Variants in LRFN2 observed in about 807,000 individuals in gnomAD.
LRFN2 encodes leucine rich repeat and fibronectin type III domain containing 2.
A neutral mutation model predicts 37.3 loss-of-function variants in LRFN2; 18 were observed. The observed-to-expected ratio is 0.48, with a 90% confidence interval of 0.33 to 0.72. The LOEUF is 0.72. LRFN2 is among the 30% of genes least tolerant of loss of function. LRFN2 has a pLI of 0.02. For synonymous variants in LRFN2, 556 were observed against 466.6 expected (o/e 1.19, Z -2.47); for missense variants, 1,006 against 1,060.7 (o/e 0.95, Z 0.72).
intron 1 of LRFN2, among the ~76,000 whole-genome samples, chr6:40,469,742 C>T (rs1235097333): frequency 6.6e-6 from 1 of 152,118 alleles, no homozygotes; most frequent in Admixed American, 6.5e-5. Flanking sequence ...TTCGGGGTTC[C>T]AGTTCTCACT....
chr6:40,520,550 T>C (rs866492408), intron 1 of LRFN2, among the ~76,000 whole-genome samples: 16 of 152,264 alleles, frequency 1.1e-4, no homozygotes, highest in African/African-American at 3.4e-4. Context: ...GCCAGAAGCA[T>C]TGTGGCCTTC....
intron 1 of LRFN2, chr6:40,517,428 T>C (rs1055427925): frequency 2.6e-5 from 4 of 152,164 alleles, no homozygotes; most frequent in Non-Finnish European, 5.9e-5. Context: ...ACTGGTCCCA[T>C]CTCAGACTTT....
chr6:40,403,485 A>G (rs1258218642), intron 2 of LRFN2, among the ~76,000 whole-genome samples: 4 of 152,126 alleles, frequency 2.6e-5, no homozygotes, highest in Non-Finnish European at 5.9e-5. Context: ...TCCTGAGAAT[A>G]TGGAGCTTCC....
intron 1 of LRFN2, among the ~76,000 whole-genome samples, chr6:40,447,088 G>T (rs913256462): frequency 2.6e-5 from 4 of 151,906 alleles, no homozygotes; most frequent in Non-Finnish European, 4.4e-5. Flanking sequence ...CCCTGAGTCA[G>T]GGCTGTGTCT....
At chr6:40,545,299 G>T (rs1248334134) in intron 1 of LRFN2, among the ~76,000 whole-genome samples, 2 of 152,164 alleles carry the variant, frequency 1.3e-5, no homozygotes, top group Non-Finnish European at 2.9e-5. Flanking sequence ...GAGCCTCCTG[G>T]GTCCCTGGAC....
intron 1 of LRFN2, among the ~76,000 whole-genome samples, chr6:40,583,081 G>A (rs1488824523): frequency 6.6e-6 from 1 of 152,126 alleles, no homozygotes; most frequent in African/African-American, 2.4e-5. Context: ...CATCCTCAGT[G>A]GGGACAATAT....
At chr6:40,522,999 C>T (rs1321924972) in intron 1 of LRFN2, among the ~76,000 whole-genome samples, 1 of 152,260 alleles carries the variant, frequency 6.6e-6, no homozygotes, top group Middle Eastern at 3.4e-3. Flanking sequence ...GCCAAGTTAG[C>T]AAATCTGCCA....
At chr6:40,492,183 G>A (rs1765109256) in intron 1 of LRFN2, among the ~76,000 whole-genome samples, 2 of 152,338 alleles carry the variant, frequency 1.3e-5, no homozygotes, top group South Asian at 4.1e-4. Context: ...GGAGGAACGG[G>A]GAGGATGACT....
Position 40,460,025 on chromosome 6 carries a change from G to C in LRFN2, c.-18-26894C>G, listed in dbSNP as rs146012625. On this transcript the variant is annotated intron_variant, in intron 1 of 2. Transcript: ENST00000338305. ...CAACGCTGCCCTCATTCTTGACAGG[G>C]ACAAATGGGTGCCCATGAAGCTGGG... Among the ~76,000 whole-genome samples the C allele has an allele frequency of 3.1e-3, 466 of 152,266 alleles. 3 individuals carry two copies. Among genetic ancestry groups the C allele is most frequent in the African/African-American group, 0.01 (426 of 41,548 alleles).
intron 2 of LRFN2, among the ~76,000 whole-genome samples, chr6:40,429,569 A>G (rs1229939664): frequency 2.0e-5 from 3 of 152,230 alleles, no homozygotes; most frequent in Non-Finnish European, 4.4e-5. Flanking sequence ...GTAATTATAT[A>G]TTCAATATTG....
chr6:40,452,469 A>G (rs1764132656), intron 1 of LRFN2, among the ~76,000 whole-genome samples: 2 of 152,346 alleles, frequency 1.3e-5, no homozygotes, highest in Non-Finnish European at 1.5e-5. Flanking sequence ...TCCCTGCATT[A>G]GTGAGTCCTG....
intron 1 of LRFN2, among the ~76,000 whole-genome samples, chr6:40,454,690 C>T (rs1764198295): frequency 6.6e-6 from 1 of 152,276 alleles, no homozygotes; most frequent in African/African-American, 2.4e-5. Context: ...CTCTTTGATC[C>T]AGCAATTTCA....
intron 1 of LRFN2, among the ~76,000 whole-genome samples, chr6:40,544,029 C>T (rs1766606254): frequency 6.6e-6 from 1 of 152,226 alleles, no homozygotes; most frequent in African/African-American, 2.4e-5. Flanking sequence ...CCAACCAGCA[C>T]CACCCTGAGA....
chr6:40,452,614 T>C (rs1364143722), intron 1 of LRFN2, among the ~76,000 whole-genome samples: 1 of 152,186 alleles, frequency 6.6e-6, no homozygotes, highest in East Asian at 1.9e-4. Context: ...ACCCACTTAA[T>C]TGTTTCACCA....
chr6:40,445,010 C>A (rs1472279816), intron 1 of LRFN2, among the ~76,000 whole-genome samples: 7 of 151,372 alleles, frequency 4.6e-5, no homozygotes, highest in Non-Finnish European at 5.9e-5. Flanking sequence ...CTCCACCTCA[C>A]CCCCCCAGGG....
chr6:40,405,942 T>C (rs898553849), intron 2 of LRFN2, among the ~76,000 whole-genome samples: 2 of 152,208 alleles, frequency 1.3e-5, no homozygotes, highest in Admixed American at 6.5e-5. Context: ...TTGGGAGGCA[T>C]GGCAGATGCA....
chr6:40,419,904 C>G (rs186771868), intron 2 of LRFN2, among the ~76,000 whole-genome samples: 2 of 152,332 alleles, frequency 1.3e-5, no homozygotes, highest in Admixed American at 1.3e-4. Flanking sequence ...ACGTTTTAAC[C>G]TTTTGCGGGG....
At chr6:40,544,663 G>A (rs1449206366) in intron 1 of LRFN2, among the ~76,000 whole-genome samples, 10 of 152,196 alleles carry the variant, frequency 6.6e-5, no homozygotes, top group African/African-American at 1.2e-4. Flanking sequence ...AAGCTCACAC[G>A]GAGAATCAGC....
chr6:40,500,759 C>T (rs1262537288), intron 1 of LRFN2, among the ~76,000 whole-genome samples: 2 of 152,182 alleles, frequency 1.3e-5, no homozygotes, highest in African/African-American at 4.8e-5. Context: ...GGAATATTCA[C>T]TACATGCCTC....
Sources: allele counts gnomAD v4.1 joint callset (sites outside exome capture counted in the v4.1 genomes callset), GRCh38; gene constraint gnomAD v4.1.1; transcripts MANE v1.5; gene names NCBI Gene and HGNC (gene_info 2026-07-23, HGNC 2026-07-21).